The following ORC5 variants were observed in gnomAD, a reference collection of about 807,000 sequenced individuals.
The protein encoded by ORC5 is protein phosphatase 1, regulatory subunit 117.
Under a neutral mutation model 58.8 loss-of-function variants are expected in ORC5, and 39 were observed. That is an observed-to-expected ratio of 0.66 (90% CI 0.51 to 0.87). The LOEUF (loss-of-function observed/expected upper bound fraction) is 0.87, where lower values mean the gene tolerates loss of function less well. ORC5 is among the 40% of genes least tolerant of loss of function. ORC5 has a pLI of 0.00. For synonymous variants in ORC5, 218 were observed against 177.6 expected (o/e 1.23, Z -1.81); for missense variants, 493 against 506.3 (o/e 0.97, Z 0.25).
intron 8 of ORC5, among the ~76,000 whole-genome samples, chr7:104,181,823 A>G (rs568603847): frequency 4.0e-5 from 6 of 151,660 alleles, no homozygotes; most frequent in Admixed American, 2.6e-4. Flanking sequence ...ATGTGCACAG[A>G]ATTGCCTGGT....
At chr7:104,160,564 TA>T (rs568395094) in intron 12 of ORC5, among the ~76,000 whole-genome samples, 1 of 152,194 alleles carries the variant, frequency 6.6e-6, no homozygotes, top group East Asian at 1.9e-4. Flanking sequence ...TTGTTTTTTT[TA>T]AAGTCATATT....
rs370655039 is a variant in ORC5, at chr7:104,195,175, G to T, written c.521C>A (p.Pro174Gln). The change falls in exon 5 of 14, where the codon CCG (proline) becomes CAG (glutamine). Residue 174 changes from proline to glutamine, a missense_variant. Physicochemically the swap from Pro to Gln is moderately conservative, Grantham distance 76. Coordinates refer to ENST00000297431, the MANE Select transcript of ORC5 (RefSeq NM_002553.4). ...GTAATCAGGGAAATATAAGACAAAC[G>T]GCTCAAAGCATCCAGTATTTGGACG... ...KFRPNTGCFEPFVLYFPDYSI... is the reference protein window; with the variant it reads ...KFRPNTGCFEQFVLYFPDYSI... 6.4e-7 allele frequency: 1 copy of T among 1,571,944 alleles called. No individual in the cohort carries two copies. Among genetic ancestry groups the T allele is most frequent in the South Asian group, 1.2e-5 (1 of 82,734 alleles).
rs538421565 is a variant in ORC5 at position 104,138,514 on chromosome 7, C to CT, written c.1150-1622dup. 2.1e-3 allele frequency among the ~76,000 whole-genome samples: 310 copies of CT among 146,452 alleles called. No homozygotes were observed. The highest frequency in any genetic ancestry group is 0.018 in the Middle Eastern group (5 of 280). On this transcript the variant is annotated intron_variant, in intron 12 of 13. Coordinates refer to ENST00000297431, the MANE Select transcript of ORC5 (RefSeq NM_002553.4). This position sits in a 1 kb window ranked among gnomAD's most constrained non-coding sequence, Gnocchi z 4.7. ...AAAACTTTCTTTCCTTCTTTTCTTT[C>CT]TTTTTTTTTTTCTGAGGCAGGGTCT...
At position 104,166,874 on chromosome 7, in the gene ORC5, C is replaced by A. The variant is rs377574889; in HGVS notation, c.888G>T (p.Ala296=). The A allele has an allele frequency of 4.4e-6, 7 of 1,585,886 alleles. No homozygotes were observed. The African/African-American group carries it at 8.1e-5, about 18-fold the overall frequency. The change falls in exon 10 of 14, where the codon GCG becomes GCT. Residue 296 remains alanine, a synonymous_variant. Transcript: ENST00000297431. ...AATATGGAAGTTCCACATGAGTATG[C>A]GCTGAGAGGCCTATATAACAAAACA... The part of the protein sequence containing the change: ...TDPGQLKGLS[A]HTHVELPYYS...
intron 12 of ORC5, among the ~76,000 whole-genome samples, chr7:104,141,129 C>G (rs1042835261): frequency 6.6e-6 from 1 of 152,138 alleles, no homozygotes; most frequent in African/African-American, 2.4e-5. Context: ...GTATTATACT[C>G]CGGCCTGAAA....
chr7:104,168,494 T>C lies in ORC5; in HGVS notation c.856A>G (p.Thr286Ala). The C allele has an allele frequency of 6.3e-7, 1 of 1,591,828 alleles. No homozygotes were observed. The highest frequency in any genetic ancestry group is 8.5e-7 in the Non-Finnish European group (1 of 1,171,506). ...ATACCTTTCAGTTGCCCCGGATCTG[T>C]GTCATCTTTCTGTAGCTTTTCCCAC... The part of the protein sequence containing the change: ...SQWEKLQKDD[T>A]DPGQLKGLSA... Residue 286 changes from threonine to alanine, a missense_variant, in exon 9 of 14, where the codon ACA becomes GCA. This residue lies in a region of ORC5 where 412 missense variants were observed against 403.7 expected (regional missense o/e 1.02). Coordinates refer to ENST00000297431, the MANE Select transcript of ORC5 (RefSeq NM_002553.4).
intron 12 of ORC5, among the ~76,000 whole-genome samples, chr7:104,152,577 T>G (rs769997277): frequency 3.3e-5 from 5 of 152,198 alleles, no homozygotes; most frequent in African/African-American, 4.8e-5. Flanking sequence ...ATGCACAAAT[T>G]TGCCTATATA....
In ORC5 at chr7:104,197,796, G is replaced by C. The variant is rs1415595065; in HGVS notation, c.370C>G (p.Leu124Val). The change falls in exon 4 of 14, where the codon CTA becomes GTA. Residue 124 changes from leucine (L) to valine (V), a missense_variant. Physicochemically the swap from Leu to Val is conservative, Grantham distance 32. Transcript: ENST00000297431. ...TCTCTTAGATACTCTGCTTTATCTA[G>C]AACCTTTAAAAAACAAAAAAACAAA... is the stretch of plus-strand genomic sequence containing the variant. ...NLKDQTVYIV[L>V]DKAEYLRDME... 2 of 1,557,612 alleles carry C rather than the reference G, an allele frequency of 1.3e-6. No individual in the cohort carries two copies. Among genetic ancestry groups the C allele is most frequent in the Non-Finnish European group, 1.7e-6 (2 of 1,154,436 alleles).
intron 12 of ORC5, among the ~76,000 whole-genome samples, chr7:104,144,917 A>G (rs926539800): frequency 2.6e-5 from 4 of 152,140 alleles, no homozygotes; most frequent in African/African-American, 7.2e-5. Flanking sequence ...TCTCTAGACA[A>G]TGAGTACTCA....
At chr7:104,194,000 CA>C (rs1562827698) in intron 5 of ORC5, among the ~76,000 whole-genome samples, 2 of 150,940 alleles carry the variant, frequency 1.3e-5, no homozygotes, top group African/African-American at 4.9e-5. Flanking sequence ...GTAATATCAA[CA>C]TTTTTTAATA....
chr7:104,174,755 G>GT (rs1439669500), intron 8 of ORC5, among the ~76,000 whole-genome samples: 3 of 152,200 alleles, frequency 2.0e-5, no homozygotes, highest in Admixed American at 2.0e-4. Flanking sequence ...GGCATGTGCA[G>GT]TAAGAGGCAA....
At chr7:104,185,403 A>T (rs1471048221) in intron 6 of ORC5, among the ~76,000 whole-genome samples, 1 of 152,176 alleles carries the variant, frequency 6.6e-6, no homozygotes, top group Non-Finnish European at 1.5e-5. Context: ...CTTTTAGGTT[A>T]TATTTATGTC....
At chr7:104,128,676 C>T (rs1352665524) in intron 13 of ORC5, among the ~76,000 whole-genome samples, 14 of 107,674 alleles carry the variant, frequency 1.3e-4, no homozygotes, top group Non-Finnish European at 2.4e-4. Flanking sequence ...CCTCCCCCCT[C>T]CCCCCCACCC....
intron 12 of ORC5, among the ~76,000 whole-genome samples, chr7:104,158,662 G>A (rs1347467143): frequency 6.6e-6 from 1 of 151,946 alleles, no homozygotes; most frequent in Admixed American, 6.6e-5. Flanking sequence ...CAAAAAGTGG[G>A]CGAAGGATAT....
At chr7:104,174,355 G>A (rs1259788644) in intron 8 of ORC5, among the ~76,000 whole-genome samples, 1 of 152,122 alleles carries the variant, frequency 6.6e-6, no homozygotes, top group African/African-American at 2.4e-5. Context: ...AATACTCCCT[G>A]ACAAGATTTA....
intron 8 of ORC5, among the ~76,000 whole-genome samples, chr7:104,183,185 C>T (rs1227834808): frequency 6.6e-6 from 1 of 152,116 alleles, no homozygotes. Flanking sequence ...AATGCTGGCC[C>T]AAGCACTTTG....
rs181781769 is a variant in ORC5 at position 104,142,020 on chromosome 7, A to G, written c.1150-5127T>C. ...AATACAAAACTACAGTAATCAAAAC[A>G]GTATGGTAATGGCATAAAAACAGAC... On this transcript the variant is annotated intron_variant, in intron 12 of 13. Coordinates refer to ENST00000297431, the MANE Select transcript of ORC5 (RefSeq NM_002553.4). 6.5e-3 allele frequency among the ~76,000 whole-genome samples: 995 copies of G among 152,294 alleles called. 1 individual carries two copies. Among genetic ancestry groups the G allele is most frequent in the Non-Finnish European group, 8.8e-3 (598 of 68,002 alleles).
At position 104,128,182 on chromosome 7, in the gene ORC5, G is replaced by A. The variant is rs1798458159; in HGVS notation, c.1263-1289C>T. 2.0e-5 allele frequency among the ~76,000 whole-genome samples: 3 copies of A among 152,198 alleles called. No individual in the cohort carries two copies. The South Asian group carries it at 6.2e-4, about 31-fold the overall frequency. ...CTGTCGCCCAGGCTGGAGTGCAATA[G>A]CATGATCTCGGCTCACTGCAACCTC... On this transcript the variant is annotated intron_variant, in intron 13 of 13. Transcript: ENST00000297431.
intron 12 of ORC5, among the ~76,000 whole-genome samples, chr7:104,143,043 C>G (rs781314875): frequency 6.6e-6 from 1 of 152,130 alleles, no homozygotes; most frequent in Non-Finnish European, 1.5e-5. Context: ...AGTATATTAA[C>G]TTCAACCCTT....
Sources: gnomAD v4.1 joint callset for allele counts (sites outside exome capture counted in the v4.1 genomes callset) on GRCh38, gnomAD v4.1.1 for gene constraint, gnomAD v4.1.1 regional missense constraint, Gnocchi (gnomAD v3.1) non-coding constraint, MANE v1.5 for transcripts, NCBI Gene and HGNC (gene_info 2026-07-23, HGNC 2026-07-21) for gene names.